The following MOXD1 variants were observed in gnomAD, a reference collection of about 807,000 sequenced individuals.
MOXD1 encodes the protein monooxygenase DBH like 1.
In MOXD1, 62 loss-of-function variants were observed where a neutral mutation model predicts 66.6. That is an observed-to-expected ratio of 0.93 (90% CI 0.76 to 1.15). The LOEUF is 1.15. Among genes scored for constraint, MOXD1 ranks in the 50% most tolerant of loss-of-function variants. The pLI, the probability that MOXD1 is intolerant of heterozygous loss-of-function variation, is 0.00. For synonymous variants in MOXD1, 303 were observed against 281.9 expected, an observed-to-expected ratio of 1.07 and a Z score of -0.75; for missense variants, 847 against 754.6, an observed-to-expected ratio of 1.12 and a Z score of -1.44.
At chr6:132,369,749 C>T (rs772461609) in intron 4 of MOXD1, among the ~76,000 whole-genome samples, 3 of 152,030 alleles carry the variant, frequency 2.0e-5, no homozygotes, top group African/African-American at 4.8e-5. Flanking sequence ...GAATGATTCA[C>T]GTCCCAGCTG....
intron 1 of MOXD1, among the ~76,000 whole-genome samples, chr6:132,383,703 C>T (rs912740450): frequency 6.6e-6 from 1 of 152,134 alleles, no homozygotes; most frequent in South Asian, 2.1e-4. Flanking sequence ...GTGGAAAAAA[C>T]AATTTCAGAC....
At position 132,349,474 on chromosome 6, in the gene MOXD1, TATATATAC is replaced by T. The variant is rs1300523159; in HGVS notation, c.664-20888_664-20881del. Among the ~76,000 whole-genome samples, 225 of 39,196 alleles carry T rather than the reference TATATATAC, an allele frequency of 5.7e-3. 30 individuals carry two copies. In the Middle Eastern group the frequency reaches 0.059, roughly 10 times the overall value. 25.7% of individuals were successfully genotyped at this position (39,196 alleles called of 152,430 possible). On this transcript the variant is annotated intron_variant, in intron 4 of 11. Transcript: ENST00000367963. ...ATACATATATATATATACATATATA[TATATATAC>T]ATATATATATATACCACAGTTTCTT... is the stretch of plus-strand genomic sequence containing the variant.
intron 4 of MOXD1, among the ~76,000 whole-genome samples, chr6:132,363,763 CAAG>C (rs2114645956): frequency 6.6e-6 from 1 of 152,214 alleles, no homozygotes; most frequent in East Asian, 1.9e-4. Context: ...ATCAAAAAAA[CAAG>C]AAAGTATTTT....
rs553195009 is a variant in MOXD1 at position 132,343,350 on chromosome 6, G to A, written c.664-14756C>T. Reference sequence around the variant, plus strand: ...ATCACTTTGGGAGACTGAGGTGGGCGGACCACCAGAGGTTGGGAGTTCAAG... The same window carrying A: ...ATCACTTTGGGAGACTGAGGTGGGCAGACCACCAGAGGTTGGGAGTTCAAG... On this transcript the variant is annotated intron_variant, in intron 4 of 11. Transcript: ENST00000367963. Among the ~76,000 whole-genome samples the A allele has an allele frequency of 7.4e-4, 112 of 152,228 alleles. No homozygotes were observed. The East Asian group carries it at 7.9e-3, about 11-fold the overall frequency.
rs1462246650 is a variant in MOXD1 at position 132,316,059 on chromosome 6, T to G, written c.1366-282A>C. The stretch of plus-strand genomic sequence containing the variant: ...TGAACATTTCAGAGAATCATAAGGA[T>G]GTTTGGTTAGCATAATACCAATCAA... On this transcript the variant is annotated intron_variant, in intron 9 of 11. Coordinates refer to ENST00000367963, the MANE Select transcript of MOXD1 (RefSeq NM_015529.4). Among the ~76,000 whole-genome samples, 4 of 152,198 alleles carry G rather than the reference T, an allele frequency of 2.6e-5. No homozygotes were observed. In the East Asian group the frequency reaches 7.7e-4, roughly 29 times the overall value.
intron 4 of MOXD1, among the ~76,000 whole-genome samples, chr6:132,349,436 CAT>C (rs1306974766): frequency 0.26 from 4,444 of 17,280 alleles, 1,158 homozygotes; most frequent in African/African-American, 0.53. Flanking sequence ...TATATATATA[CAT>C]ATATATATAT....
chr6:132,371,384 A>T (rs1776259918), intron 4 of MOXD1, among the ~76,000 whole-genome samples: 1 of 152,116 alleles, frequency 6.6e-6, no homozygotes, highest in Non-Finnish European at 1.5e-5. Flanking sequence ...ACCTATAAAT[A>T]TTTAGGACTA....
chr6:132,392,147 G>T, intron 1 of MOXD1: 3 of 1,508,648 alleles, frequency 2.0e-6, no homozygotes, highest in Admixed American at 4.5e-5. Flanking sequence ...GTGCTTAAAA[G>T]AAGCACATCG....
At chr6:132,352,519 C>G (rs894595279) in intron 4 of MOXD1, among the ~76,000 whole-genome samples, 3 of 152,084 alleles carry the variant, frequency 2.0e-5, no homozygotes, top group African/African-American at 7.2e-5. Flanking sequence ...TTTCAATTTT[C>G]TTAAATTTAT....
At chr6:132,339,163 G>A (rs1175665045) in intron 4 of MOXD1, among the ~76,000 whole-genome samples, 1 of 152,146 alleles carries the variant, frequency 6.6e-6, no homozygotes, top group Non-Finnish European at 1.5e-5. Context: ...TAATTTTTAT[G>A]TATAAGACTT....
intron 6 of MOXD1, chr6:132,325,120 T>C (rs1297264474): frequency 1.3e-5 from 2 of 152,164 alleles, no homozygotes; most frequent in Non-Finnish European, 2.9e-5. Flanking sequence ...AATCCAAGCT[T>C]TACTTTCCTG....
chr6:132,323,007 T>A, intron 7 of MOXD1, 137 bp from the exon 8 acceptor site: 1 of 793,474 alleles, frequency 1.3e-6, no homozygotes, highest in African/African-American at 1.8e-5. Flanking sequence ...TGAAAAAGAG[T>A]TTGAATTCGG....
chr6:132,386,447 A>AAAAAAAAAAAAAAC, intron 1 of MOXD1, among the ~76,000 whole-genome samples: 1 of 130,300 alleles, frequency 7.7e-6, no homozygotes, highest in African/African-American at 3.3e-5. Flanking sequence ...AAAAAAAAAC[A>AAAAAAAAAAAAAAC]AAAAAAAAAC....
chr6:132,396,937 T>A (rs1002593437), intron 1 of MOXD1, among the ~76,000 whole-genome samples: 4 of 152,228 alleles, frequency 2.6e-5, no homozygotes, highest in African/African-American at 9.6e-5. Flanking sequence ...TGAATTCCCA[T>A]GTGACTGTCT....
At chr6:132,302,698 G>A (rs77953062) in intron 10 of MOXD1, among the ~76,000 whole-genome samples, 1 of 151,984 alleles carries the variant, frequency 6.6e-6, no homozygotes, top group African/African-American at 2.4e-5. Context: ...AAATGAAATT[G>A]ACAAGTTGAT....
At chr6:132,374,998 T>A (rs755895592) in intron 1 of MOXD1, 3 of 582,844 alleles carry the variant, frequency 5.1e-6, no homozygotes, top group Non-Finnish European at 9.1e-6. Context: ...ACTGATAATA[T>A]CGTAGAGCAT....
In MOXD1 at chr6:132,349,473, A is replaced by G. The variant is rs1281805370; in HGVS notation, c.664-20879T>C. On this transcript the variant is annotated intron_variant, in intron 4 of 11. Coordinates refer to ENST00000367963, the MANE Select transcript of MOXD1 (RefSeq NM_015529.4). The stretch of plus-strand genomic sequence containing the variant: ...TATACATATATATATATACATATAT[A>G]TATATATACATATATATATATACCA... Among the ~76,000 whole-genome samples, 4 of 34,292 alleles carry G rather than the reference A, an allele frequency of 1.2e-4. 1 individual carries two copies. Among genetic ancestry groups the G allele is most frequent in the Admixed American group, 4.3e-4 (1 of 2,312 alleles). 22.5% of individuals were successfully genotyped at this position (34,292 alleles called of 152,430 possible).
At chr6:132,371,695 C>T (rs1776265535) in intron 4 of MOXD1, among the ~76,000 whole-genome samples, 2 of 152,082 alleles carry the variant, frequency 1.3e-5, no homozygotes, top group Non-Finnish European at 1.5e-5. Flanking sequence ...CCTGAGAGCA[C>T]ATAGTTTAAT....
intron 9 of MOXD1, among the ~76,000 whole-genome samples, chr6:132,320,086 T>G (rs1775045247): frequency 6.6e-6 from 1 of 152,178 alleles, no homozygotes; most frequent in African/African-American, 2.4e-5. Flanking sequence ...CTTGTGAAGT[T>G]TTAGTTTTAA....
Sources: gnomAD v4.1 joint callset for allele counts (sites outside exome capture counted in the v4.1 genomes callset) on GRCh38, gnomAD v4.1.1 for gene constraint, MANE v1.5 for transcripts, NCBI Gene and HGNC (gene_info 2026-07-23, HGNC 2026-07-21) for gene names.